The following MTHFD1L variants were observed in gnomAD, a reference collection of about 807,000 sequenced individuals.
The protein encoded by MTHFD1L is monofunctional C1-tetrahydrofolate synthase, mitochondrial.
Under a neutral mutation model 119.5 loss-of-function variants are expected in MTHFD1L, and 81 were observed. The observed-to-expected ratio is 0.68, with a 90% confidence interval of 0.57 to 0.82. The LOEUF (loss-of-function observed/expected upper bound fraction) is 0.82. Among genes scored for constraint, MTHFD1L ranks in the 40% least tolerant of loss-of-function variants. The pLI is 0.00. For missense variants in MTHFD1L, 1,125 were observed against 1,253.4 expected (o/e 0.90, Z 1.55); for synonymous variants, 430 against 475.2 (o/e 0.90, Z 1.24).
At position 150,931,268 on chromosome 6, in the gene MTHFD1L, CT is replaced by C. The variant is rs370763551; in HGVS notation, c.1256+4996del. 9.8e-3 allele frequency among the ~76,000 whole-genome samples: 1,210 copies of C among 123,666 alleles called. 2 individuals are homozygous for C. The highest frequency in any genetic ancestry group is 0.013 in the Non-Finnish European group (753 of 58,502). The allele number at this position is 123,666 out of a possible 152,430, so 81.1% of individuals were successfully genotyped here. A position where few individuals can be genotyped will look rare whatever the true frequency, so the allele number is the denominator to read the frequency against. Reference sequence around the variant, plus strand: ...ATTTGAATCATTCACATCATTTCATCTTTTTTTTTTTTTTTTTTTTTTTCTG... The same window carrying C: ...ATTTGAATCATTCACATCATTTCATCTTTTTTTTTTTTTTTTTTTTTTCTG... On this transcript the variant is annotated intron_variant, in intron 11 of 27. Coordinates refer to ENST00000367321, the MANE Select transcript of MTHFD1L (RefSeq NM_015440.5).
intron 1 of MTHFD1L, chr6:150,866,662 C>T: frequency 8.4e-7 from 1 of 1,190,706 alleles, no homozygotes; most frequent in Non-Finnish European, 1.0e-6. Flanking sequence ...GGGACAGCCG[C>T]CGGGGGGAAT....
chr6:150,945,663 T>C, intron 15 of MTHFD1L, 122 bp downstream of exon 15: 2 of 875,268 alleles, frequency 2.3e-6, no homozygotes, highest in South Asian at 1.6e-5. Context: ...TTTTGGGTAT[T>C]AAACTCTATA....
chr6:151,098,337 TG>T (rs1795065852), intron 27 of MTHFD1L, among the ~76,000 whole-genome samples: 2 of 152,144 alleles, frequency 1.3e-5, no homozygotes, highest in South Asian at 4.1e-4. Flanking sequence ...CAAAGTACCC[TG>T]GGAGGGTGCC....
In MTHFD1L at chr6:150,927,518, G is replaced by A. The variant is rs186742685; in HGVS notation, c.1256+1223G>A. Among the ~76,000 whole-genome samples, 7 of 144,992 alleles carry A rather than the reference G, an allele frequency of 4.8e-5. No homozygotes were observed. In the East Asian group the frequency reaches 1.0e-3, roughly 21 times the overall value. Reference sequence around the variant, plus strand: ...GTTGCCAAGACTGGGGTGCAGTGGTGTGATCTCAGCTCACTGCAAACTCTG... The same window carrying A: ...GTTGCCAAGACTGGGGTGCAGTGGTATGATCTCAGCTCACTGCAAACTCTG... On this transcript the variant is annotated intron_variant, in intron 11 of 27. Coordinates refer to ENST00000367321, the MANE Select transcript of MTHFD1L (RefSeq NM_015440.5).
chr6:151,009,735 T>G, intron 20 of MTHFD1L, 84 bp from the exon 21 acceptor site: 19 of 1,456,816 alleles, frequency 1.3e-5, no homozygotes, highest in East Asian at 2.3e-5. Context: ...AGCTGTCCTT[T>G]GAGCTCGAAT....
At chr6:150,935,067 C>T (rs1398714775) in intron 11 of MTHFD1L, 74 of 1,613,822 alleles carry the variant, frequency 4.6e-5, no homozygotes, top group Non-Finnish European at 6.3e-5. Context: ...GCTGGAAAGA[C>T]AACTGTCTTA....
At chr6:150,925,990 T>C (rs1349452616) in intron 10 of MTHFD1L, 132 bp from the exon 11 acceptor site, 1 of 699,834 alleles carries the variant, frequency 1.4e-6, no homozygotes, top group Non-Finnish European at 2.3e-6. Context: ...TGCTTATTAC[T>C]GCCTGGGAGA....
chr6:151,048,555 C>G (rs1428000250), intron 26 of MTHFD1L, among the ~76,000 whole-genome samples: 17 of 152,136 alleles, frequency 1.1e-4, no homozygotes, highest in Non-Finnish European at 1.5e-5. Flanking sequence ...CAGTGAAACT[C>G]ACCAGTACTA....
chr6:151,072,239 CTCTAG>C (rs1792032153), intron 26 of MTHFD1L, among the ~76,000 whole-genome samples: 1 of 152,066 alleles, frequency 6.6e-6, no homozygotes, highest in Admixed American at 6.6e-5. Context: ...GAAATTTTGG[CTCTAG>C]GTTTAGAAAG....
intron 20 of MTHFD1L, among the ~76,000 whole-genome samples, chr6:150,995,799 C>A (rs1406060976): frequency 1.3e-5 from 2 of 151,654 alleles, no homozygotes; most frequent in Non-Finnish European, 2.9e-5. Flanking sequence ...TCCCAAGTAG[C>A]TGGGATTACC....
intron 19 of MTHFD1L, among the ~76,000 whole-genome samples, chr6:150,969,064 G>T (rs1181134602): frequency 1.3e-5 from 2 of 151,768 alleles, no homozygotes; most frequent in African/African-American, 4.8e-5. Flanking sequence ...GGCCAGGCTG[G>T]TCTCGAACTC....
At chr6:150,967,931 G>A (rs1018841762) in intron 19 of MTHFD1L, among the ~76,000 whole-genome samples, 3 of 151,862 alleles carry the variant, frequency 2.0e-5, no homozygotes, top group African/African-American at 7.3e-5. Context: ...TTTCCACCCC[G>A]GTCTGAAAAG....
chr6:150,873,345 A>G (rs557250535), intron 1 of MTHFD1L, among the ~76,000 whole-genome samples: 1 of 152,170 alleles, frequency 6.6e-6, no homozygotes, highest in Non-Finnish European at 1.5e-5. Flanking sequence ...CCTTTCATCA[A>G]CTATGAATGG....
Position 150,932,024 on chromosome 6 carries a change from T to C in MTHFD1L, c.1257-4780T>C, listed in dbSNP as rs943925005. ...TAAAAATACAAAAATTAGCTGGGCA[T>C]GGTGATGGGTGCCTGTAATCCCAGC... On this transcript the variant is annotated intron_variant, in intron 11 of 27. Transcript: ENST00000367321. Among the ~76,000 whole-genome samples the C allele has an allele frequency of 9.9e-5, 15 of 151,898 alleles. No individual in the cohort carries two copies. The East Asian group carries it at 2.1e-3, about 22-fold the overall frequency.
intron 20 of MTHFD1L, among the ~76,000 whole-genome samples, chr6:151,006,542 C>A (rs770755870): frequency 6.6e-6 from 1 of 152,032 alleles, no homozygotes; most frequent in Non-Finnish European, 1.5e-5. Context: ...GGTGACTACA[C>A]GGGCGCATTG....
intron 16 of MTHFD1L, among the ~76,000 whole-genome samples, chr6:150,952,436 C>T (rs561750070): frequency 2.0e-5 from 3 of 152,154 alleles, no homozygotes; most frequent in Non-Finnish European, 2.9e-5. Flanking sequence ...TCAGGGTGCA[C>T]GGTGGTGGGA....
intron 26 of MTHFD1L, among the ~76,000 whole-genome samples, chr6:151,072,827 C>T (rs1157293696): frequency 6.6e-6 from 1 of 151,952 alleles, no homozygotes; most frequent in Non-Finnish European, 1.5e-5. Flanking sequence ...AAAGAGTACA[C>T]AATATTATCT....
At chr6:150,916,002 CACA>C (rs1325824282) in intron 8 of MTHFD1L, among the ~76,000 whole-genome samples, 2 of 152,156 alleles carry the variant, frequency 1.3e-5, no homozygotes, top group African/African-American at 4.8e-5. Context: ...TAAAACGAAA[CACA>C]ACAATTCTCT....
At chr6:151,099,175 CAAA>C (rs34747023) in intron 27 of MTHFD1L, among the ~76,000 whole-genome samples, 8 of 124,362 alleles carry the variant, frequency 6.4e-5, no homozygotes, top group South Asian at 2.6e-4. Context: ...GACTCCATCT[CAAA>C]AAAAAAAAAA....
Sources: gnomAD v4.1 joint callset for allele counts (sites outside exome capture counted in the v4.1 genomes callset) on GRCh38, gnomAD v4.1.1 for gene constraint, MANE v1.5 for transcripts, NCBI Gene and HGNC (gene_info 2026-07-23, HGNC 2026-07-21) for gene names.